ZNF613: variants seen among roughly 807,000 people sequenced by gnomAD.
The protein encoded by ZNF613 is zinc finger protein 613.
ZNF613 carries 8 observed loss-of-function variants against 14.3 expected under a neutral mutation model. That is an observed-to-expected ratio of 0.56 (90% CI 0.33 to 1.01). The LOEUF (loss-of-function observed/expected upper bound fraction) is 1.01. ZNF613 is among the 50% of genes least tolerant of loss of function. The probability of loss-of-function intolerance (pLI) is 0.03; values close to 1 mark genes in which losing one functional copy is unlikely to be tolerated. For synonymous variants in ZNF613, 228 were observed against 254.5 expected (o/e 0.90, Z 0.99); for missense variants, 656 against 741.9 (o/e 0.88, Z 1.35).
intron 2 of ZNF613, among the ~76,000 whole-genome samples, chr19:51,930,332 G>A (rs1175508313): frequency 2.0e-5 from 3 of 151,854 alleles, no homozygotes; most frequent in African/African-American, 7.3e-5. Flanking sequence ...CGTGATCTCA[G>A]CTCACTGCAA....
Position 51,945,277 on chromosome 19 carries a change from G to T in ZNF613, c.1394G>T (p.Cys465Phe), listed in dbSNP as rs370655404. 57 of 1,613,486 alleles carry T rather than the reference G, an allele frequency of 3.5e-5. No homozygotes were observed. Among genetic ancestry groups the T allele is most frequent in the Non-Finnish European group, 4.5e-5 (53 of 1,179,892 alleles). Residue 465 changes from cysteine (C) to phenylalanine (F), a missense_variant, in exon 6 of 6, where the codon TGC becomes TTC. Physicochemically the swap from Cys to Phe is radical, Grantham distance 205. Coordinates refer to ENST00000293471, the MANE Select transcript of ZNF613 (RefSeq NM_001031721.4). ...PFVCTECGKS[C>F]SHKSGLINHQ... is the part of the protein sequence containing the mutation. Reference sequence around the variant, plus strand: ...GTATGTACTGAGTGTGGAAAATCCTGCTCACACAAGTCAGGTCTCATTAAC... The same window carrying T: ...GTATGTACTGAGTGTGGAAAATCCTTCTCACACAAGTCAGGTCTCATTAAC...
intron 3 of ZNF613, among the ~76,000 whole-genome samples, chr19:51,937,483 A>G (rs1264918003): frequency 6.6e-6 from 1 of 152,308 alleles, no homozygotes; most frequent in African/African-American, 2.4e-5. Context: ...TTCACACAAA[A>G]TGACTAATGT....
In ZNF613 at chr19:51,945,441, G is replaced by C; in HGVS notation, c.1558G>C (p.Ala520Pro). ...RPYGCSDCGK[A>P]FSHLSCLVYH... Reference sequence around the variant, plus strand: ...GTATGGATGCTCTGATTGTGGGAAAGCTTTCTCCCACTTGTCATGCCTTGT... The same window carrying C: ...GTATGGATGCTCTGATTGTGGGAAACCTTTCTCCCACTTGTCATGCCTTGT... The change falls in exon 6 of 6, where the codon GCT (alanine) becomes CCT (proline). Residue 520 changes from alanine to proline, a missense_variant. Coordinates refer to ENST00000293471, the MANE Select transcript of ZNF613 (RefSeq NM_001031721.4). 6.2e-7 allele frequency: 1 copy of C among 1,614,184 alleles called. No homozygotes were observed. The highest frequency in any genetic ancestry group is 8.5e-7 in the Non-Finnish European group (1 of 1,180,024).
At chr19:51,942,479 G>A (rs73937806) in intron 5 of ZNF613, among the ~76,000 whole-genome samples, 2,587 of 152,218 alleles carry the variant, frequency 0.017, 81 homozygotes, top group African/African-American at 0.059. Context: ...ACATGAATAC[G>A]TCCCCCTGGT....
chr19:51,930,517 C>T (rs2085256108), intron 2 of ZNF613, among the ~76,000 whole-genome samples: 1 of 152,220 alleles, frequency 6.6e-6, no homozygotes, highest in African/African-American at 2.4e-5. Flanking sequence ...CCACCTCAGC[C>T]TCCCAAAGTG....
rs573817392 is a variant in ZNF613 at position 51,940,650 on chromosome 19, A to C, written c.176A>C (p.Lys59Thr). The C allele has an allele frequency of 6.2e-7, 1 of 1,613,560 alleles. No individual in the cohort carries two copies. The highest frequency in any genetic ancestry group is 1.3e-5 in the African/African-American group (1 of 74,872). ...GCCAGCAAACCAGATGCACTCTTCAAGTTGGAACAAGGAGAGCCATGGACA... is the reference window on the plus strand; with the variant it reads ...GCCAGCAAACCAGATGCACTCTTCACGTTGGAACAAGGAGAGCCATGGACA... ...YQASKPDALF[K>T]LEQGEPWTVE... The change falls in exon 5 of 6, where the codon AAG becomes ACG. Residue 59 changes from lysine (K) to threonine (T), a missense_variant. Transcript: ENST00000293471.
chr19:51,944,072 T>C, intron 5 of ZNF613, 47 bp from the exon 6 acceptor site: 1 of 1,471,676 alleles, frequency 6.8e-7, no homozygotes, highest in Non-Finnish European at 9.1e-7. Flanking sequence ...TGTGAAATAG[T>C]TCTATTCCAT....
chr19:51,936,795 GT>G (rs1363989731), intron 3 of ZNF613, among the ~76,000 whole-genome samples: 1 of 152,080 alleles, frequency 6.6e-6, no homozygotes, highest in African/African-American at 2.4e-5. Context: ...CTCTTTTTTT[GT>G]AGTGAAACTA....
In ZNF613 at chr19:51,940,628, AGCAAACCAGAT is replaced by A. The variant is rs1273895569; in HGVS notation, c.158_168del (p.Lys53ThrfsTer15). 1 of 1,612,978 alleles carries A rather than the reference AGCAAACCAGAT, an allele frequency of 6.2e-7. No individual in the cohort carries two copies. Among genetic ancestry groups the A allele is most frequent in the South Asian group, 1.1e-5 (1 of 90,936 alleles). ...TTTCCTATGAACAGGGTATCAAGCC[AGCAAACCAGAT>A]GCACTCTTCAAGTTGGAACAAGGAG... On this transcript the variant is annotated frameshift_variant, in exon 5 of 6. Coordinates refer to ENST00000293471, the MANE Select transcript of ZNF613 (RefSeq NM_001031721.4). LOFTEE classifies it high-confidence loss of function.
At chr19:51,944,086 C>T (rs754549843) in intron 5 of ZNF613, 33 bp from the exon 6 acceptor site, 1 of 1,500,150 alleles carries the variant, frequency 6.7e-7, no homozygotes, top group Non-Finnish European at 8.9e-7. Flanking sequence ...ATTCCATGCT[C>T]ATGGAAAGAT....
In ZNF613 at chr19:51,944,261, T is replaced by C. The variant is rs139677349; in HGVS notation, c.378T>C (p.His126=). 58 of 1,609,604 alleles carry C rather than the reference T, an allele frequency of 3.6e-5. No individual in the cohort carries two copies. The African/African-American group carries it at 7.0e-4, about 19-fold the overall frequency. The part of the protein sequence containing the change: ...RKSDFPLRQN[H]DTFDLHGKIL... ...GTGATTTTCCTTTAAGGCAAAATCATGATACATTTGACTTACATGGGAAAA... is the reference window on the plus strand; with the variant it reads ...GTGATTTTCCTTTAAGGCAAAATCACGATACATTTGACTTACATGGGAAAA... The change falls in exon 6 of 6, where the codon CAT becomes CAC. Residue 126 remains histidine (H), a synonymous_variant. Coordinates refer to ENST00000293471, the MANE Select transcript of ZNF613 (RefSeq NM_001031721.4).
At chr19:51,938,682 A>G (rs2085323147) in intron 3 of ZNF613, among the ~76,000 whole-genome samples, 1 of 150,792 alleles carries the variant, frequency 6.6e-6, no homozygotes, top group South Asian at 2.1e-4. Context: ...TTACACCCTC[A>G]TCCTTTAATA....
In ZNF613 at chr19:51,944,271, G is replaced by C; in HGVS notation, c.388G>C (p.Asp130His). The C allele has an allele frequency of 6.2e-7, 1 of 1,606,094 alleles. No individual in the cohort carries two copies. Among genetic ancestry groups the C allele is most frequent in the Non-Finnish European group, 8.5e-7 (1 of 1,176,406 alleles). Residue 130 changes from aspartate to histidine, a missense_variant, in exon 6 of 6, where the codon GAC becomes CAC. Asp to His is a moderately conservative substitution (Grantham distance 81). Transcript: ENST00000293471. ...TTTAAGGCAAAATCATGATACATTT[G>C]ACTTACATGGGAAAATACTGAAATC... ...FPLRQNHDTF[D>H]LHGKILKSNL...
intron 2 of ZNF613, among the ~76,000 whole-genome samples, chr19:51,930,839 TACC>T (rs2085258591): frequency 6.6e-6 from 1 of 152,226 alleles, no homozygotes; most frequent in Non-Finnish European, 1.5e-5. Flanking sequence ...TTTGAGGGAC[TACC>T]AGACTTTTCC....
intron 3 of ZNF613, among the ~76,000 whole-genome samples, chr19:51,937,725 CTTTTT>C (rs557250619): frequency 0.13 from 13,370 of 105,090 alleles, 852 homozygotes; most frequent in South Asian, 0.27. Flanking sequence ...TGTCTTTTTT[CTTTTT>C]TTTTTTTTTT....
chr19:51,945,391 G>T lies in ZNF613; in HGVS notation c.1508G>T (p.Arg503Leu). ...GATAAATCATGTCTCAACAGACATC[G>T]GAGAACTCATACAGGGGAGAGACCG... Reference protein sequence around the residue: ...FRDKSCLNRHRRTHTGERPYG... With the variant: ...FRDKSCLNRHLRTHTGERPYG... Residue 503 changes from arginine to leucine, a missense_variant, in exon 6 of 6, where the codon CGG becomes CTG. Physicochemically the swap from Arg to Leu is moderately radical, Grantham distance 102. Transcript: ENST00000293471. 6.2e-7 allele frequency: 1 copy of T among 1,613,612 alleles called. No individual in the cohort carries two copies. Among genetic ancestry groups the T allele is most frequent in the Non-Finnish European group, 8.5e-7 (1 of 1,179,714 alleles).
chr19:51,941,648 T>G (rs1377147826), intron 5 of ZNF613, among the ~76,000 whole-genome samples: 1 of 152,210 alleles, frequency 6.6e-6, no homozygotes, highest in Non-Finnish European at 1.5e-5. Flanking sequence ...TCCTTCATTC[T>G]AATGACTTAA....
At chr19:51,943,097 C>T (rs2085363970) in intron 5 of ZNF613, among the ~76,000 whole-genome samples, 1 of 152,242 alleles carries the variant, frequency 6.6e-6, no homozygotes, top group Admixed American at 6.5e-5. Flanking sequence ...ATCACTTTGA[C>T]TACTTTGTAG....
intron 5 of ZNF613, among the ~76,000 whole-genome samples, chr19:51,941,762 G>T (rs1315031553): frequency 2.0e-5 from 3 of 152,116 alleles, no homozygotes; most frequent in Admixed American, 6.5e-5. Flanking sequence ...AACTCCTTGA[G>T]TCGATCCTGG....
Sources: gnomAD v4.1 joint callset for allele counts (sites outside exome capture counted in the v4.1 genomes callset) on GRCh38, gnomAD v4.1.1 for gene constraint, MANE v1.5 for transcripts, NCBI Gene and HGNC (gene_info 2026-07-23, HGNC 2026-07-21) for gene names.